PRKAR1B: variants seen among roughly 807,000 people sequenced by gnomAD.
PRKAR1B encodes the protein protein kinase cAMP-dependent type I regulatory subunit beta, also known as cAMP-dependent protein kinase type I-beta regulatory subunit.
A neutral mutation model predicts 46.5 loss-of-function variants in PRKAR1B; 22 were observed. That is an observed-to-expected ratio of 0.47 (90% CI 0.34 to 0.68). The LOEUF is 0.68. Ranked by LOEUF, PRKAR1B falls within the 30% of genes least tolerant of loss-of-function variation. The pLI, the probability that PRKAR1B is intolerant of heterozygous loss-of-function variation, is 0.01. For synonymous variants in PRKAR1B, 259 were observed against 217.7 expected (o/e 1.19, Z -1.67); for missense variants, 445 against 535.6 (o/e 0.83, Z 1.67).
At chr7:662,208 C>T (rs1785622728) in intron 4 of PRKAR1B, among the ~76,000 whole-genome samples, 1 of 97,788 alleles carries the variant, frequency 1.0e-5, no homozygotes. Flanking sequence ...TGGCACAGGT[C>T]CCCACCCCAA....
chr7:710,418 G>A (rs1050968206), intron 2 of PRKAR1B, among the ~76,000 whole-genome samples: 9 of 152,160 alleles, frequency 5.9e-5, no homozygotes, highest in African/African-American at 9.7e-5. Flanking sequence ...CTCCTGTCCC[G>A]GCCTCCACTT....
rs946983316 is a variant in PRKAR1B, at chr7:667,900, T to C, written c.440+9329A>G. On this transcript the variant is annotated intron_variant, in intron 4 of 10. Transcript: ENST00000537384. The surrounding 1 kb of genome is among the most constrained non-coding windows in gnomAD (Gnocchi z 4.3). The stretch of plus-strand genomic sequence containing the variant: ...GGACAGGCAGGCGGTCTGGGGGAGT[T>C]GCAGCCTCCCTCACAACCACGTTGC... Among the ~76,000 whole-genome samples, 3 of 152,338 alleles carry C rather than the reference T, an allele frequency of 2.0e-5. No individual in the cohort carries two copies. The highest frequency in any genetic ancestry group is 6.5e-5 in the Admixed American group (1 of 15,306).
chr7:598,914 G>C (rs904819963), intron 6 of PRKAR1B, among the ~76,000 whole-genome samples: 1 of 152,214 alleles, frequency 6.6e-6, no homozygotes, highest in Non-Finnish European at 1.5e-5. Flanking sequence ...AAGAGGATGG[G>C]GGCTCTGGGA....
chr7:629,451 G>A lies in PRKAR1B; in HGVS notation c.441-21999C>T, dbSNP rs367613447. On this transcript the variant is annotated intron_variant, in intron 4 of 10. Coordinates refer to ENST00000537384, the MANE Select transcript of PRKAR1B (RefSeq NM_001164760.2). ...CTGCAGGAGCGGGGCCACGGCCTCC[G>A]AGGGCGCCACCACCCCAGGGCTGGA... Among the ~76,000 whole-genome samples, 339 of 108,506 alleles carry A rather than the reference G, an allele frequency of 3.1e-3. 13 individuals carry two copies. Among genetic ancestry groups the A allele is most frequent in the African/African-American group, 0.013 (318 of 25,412 alleles). The allele number at this position is 108,506 out of a possible 152,430, so 71.2% of individuals were successfully genotyped here. A position where few individuals can be genotyped will look rare whatever the true frequency, so the allele number is the denominator to read the frequency against.
intron 4 of PRKAR1B, among the ~76,000 whole-genome samples, chr7:631,427 G>A (rs527619049): frequency 6.6e-6 from 1 of 152,324 alleles, no homozygotes; most frequent in South Asian, 2.1e-4. Context: ...CCTAACCTGG[G>A]ATGACTCAGG....
intron 2 of PRKAR1B, among the ~76,000 whole-genome samples, chr7:703,428 C>T (rs1242803553): frequency 2.6e-5 from 4 of 152,114 alleles, no homozygotes; most frequent in Middle Eastern, 6.8e-3. Context: ...GGGTGGATCA[C>T]GAGGTCAAGA....
chr7:631,514 TCA>T (rs1267171447), intron 4 of PRKAR1B, among the ~76,000 whole-genome samples: 1 of 152,048 alleles, frequency 6.6e-6, no homozygotes, highest in Non-Finnish European at 1.5e-5. Flanking sequence ...GAAGCCAGTC[TCA>T]CAGCCCAGCA....
At chr7:592,027 C>T (rs938473679) in intron 7 of PRKAR1B, among the ~76,000 whole-genome samples, 1 of 152,218 alleles carries the variant, frequency 6.6e-6, no homozygotes, top group Non-Finnish European at 1.5e-5. Context: ...CCCAGGCAGG[C>T]GGAGCAGGGG....
intron 6 of PRKAR1B, among the ~76,000 whole-genome samples, chr7:603,751 G>A (rs1277130364): frequency 6.9e-6 from 1 of 145,666 alleles, no homozygotes; most frequent in Non-Finnish European, 1.5e-5. Flanking sequence ...GAGGGTGGGG[G>A]AGGAGGTGAC....
rs1781658170 is a variant in PRKAR1B at position 602,222 on chromosome 7, G to T, written c.549+3971C>A. The stretch of plus-strand genomic sequence containing the variant: ...TGGAGGAAACGGTCCCTGCTTTGAA[G>T]TGGCTCCGGCACCGGCCTCTCCCAC... On this transcript the variant is annotated intron_variant, in intron 6 of 10. Coordinates refer to ENST00000537384, the MANE Select transcript of PRKAR1B (RefSeq NM_001164760.2). The surrounding 1 kb of genome is among the most constrained non-coding windows in gnomAD (Gnocchi z 6.4). Among the ~76,000 whole-genome samples the T allele has an allele frequency of 6.6e-6, 1 of 152,140 alleles. No individual in the cohort carries two copies. Among genetic ancestry groups the T allele is most frequent in the South Asian group, 2.1e-4 (1 of 4,830 alleles).
intron 9 of PRKAR1B, among the ~76,000 whole-genome samples, chr7:576,773 T>G (rs1223787653): frequency 6.6e-6 from 1 of 151,710 alleles, no homozygotes; most frequent in African/African-American, 2.4e-5. Flanking sequence ...AGAGCCGCAG[T>G]GGGAAGCACC....
chr7:724,775 A>G (rs1014831759), intron 1 of PRKAR1B, among the ~76,000 whole-genome samples: 2 of 152,242 alleles, frequency 1.3e-5, no homozygotes, highest in Admixed American at 1.3e-4. Context: ...GCAAGACCCT[A>G]AGATCTGGGA....
chr7:550,618 A>C lies in PRKAR1B; in HGVS notation c.974-16T>G. On this transcript the variant is annotated splice_polypyrimidine_tract_variant and intron_variant, in intron 10 of 10. Transcript: ENST00000537384. ...GCAATCTCCCCTGGGGGTTGAAGAGAGAGGTCAGGGCTGGGCCTGGGGGTC... is the reference window on the plus strand; with the variant it reads ...GCAATCTCCCCTGGGGGTTGAAGAGCGAGGTCAGGGCTGGGCCTGGGGGTC... The C allele has an allele frequency of 6.5e-7, 1 of 1,541,250 alleles. No homozygotes were observed. The highest frequency in any genetic ancestry group is 1.3e-5 in the South Asian group (1 of 79,160).
intron 9 of PRKAR1B, among the ~76,000 whole-genome samples, chr7:576,783 C>CGGGAATGAGGGGCGGGA (rs1180186950): frequency 6.6e-6 from 1 of 151,918 alleles, no homozygotes; most frequent in Non-Finnish European, 1.5e-5. Flanking sequence ...TGGGAAGCAC[C>CGGGAATGAGGGGCGGGA]GGGAATGAGG....
At chr7:572,343 C>G (rs954135734) in intron 9 of PRKAR1B, among the ~76,000 whole-genome samples, 1 of 152,210 alleles carries the variant, frequency 6.6e-6, no homozygotes, top group South Asian at 2.1e-4. Flanking sequence ...CCCACAGCTT[C>G]AGAGACAGCG....
intron 9 of PRKAR1B, among the ~76,000 whole-genome samples, chr7:567,421 C>CCATCATCACCAT (rs975244164): frequency 7.2e-6 from 1 of 138,606 alleles, no homozygotes; most frequent in Non-Finnish European, 1.6e-5. Flanking sequence ...ATCATCATCA[C>CCATCATCACCAT]CATCATCACC....
chr7:690,910 C>G (rs1199429921), intron 2 of PRKAR1B, among the ~76,000 whole-genome samples: 1 of 152,256 alleles, frequency 6.6e-6, no homozygotes, highest in African/African-American at 2.4e-5. Context: ...GCTGGTGTCT[C>G]CACTGCCAGC....
chr7:671,977 C>T (rs1409766715), intron 4 of PRKAR1B, among the ~76,000 whole-genome samples: 1 of 152,174 alleles, frequency 6.6e-6, no homozygotes, highest in Admixed American at 6.5e-5. Flanking sequence ...TCACCACACA[C>T]CATCTCTAAA....
At chr7:610,351 G>A (rs930131797) in intron 4 of PRKAR1B, among the ~76,000 whole-genome samples, 2 of 152,156 alleles carry the variant, frequency 1.3e-5, no homozygotes, top group Non-Finnish European at 2.9e-5. Context: ...ACACACCCAG[G>A]TGCCTGGGCG....
Sources: allele counts gnomAD v4.1 joint callset (sites outside exome capture counted in the v4.1 genomes callset), GRCh38; gene constraint gnomAD v4.1.1; non-coding constraint Gnocchi (gnomAD v3.1); transcripts MANE v1.5; gene names NCBI Gene and HGNC (gene_info 2026-07-23, HGNC 2026-07-21).